The following CGRRF1 variants were observed in gnomAD, a reference collection of about 807,000 sequenced individuals.
The protein encoded by CGRRF1 is cell growth regulator with ring finger domain 1.
Under a neutral mutation model 37.2 loss-of-function variants are expected in CGRRF1, and 32 were observed. The observed-to-expected ratio is 0.86, with a 90% CI of 0.65 to 1.16. CGRRF1 has a LOEUF of 1.16. CGRRF1 is among the 50% of genes most tolerant of loss of function. The pLI is 0.00. For missense variants in CGRRF1, 391 were observed against 382.6 expected (o/e 1.02, Z -0.18); for synonymous variants, 141 against 140.3 (o/e 1.00, Z -0.04).
At chr14:54,524,025 T>C (rs1370439881) in intron 2 of CGRRF1, among the ~76,000 whole-genome samples, 1 of 152,218 alleles carries the variant, frequency 6.6e-6, no homozygotes, top group East Asian at 1.9e-4. Flanking sequence ...ATTTTCCTTC[T>C]CTTAGCCTGC....
chr14:54,513,998 C>T (rs1214554439), intron 1 of CGRRF1, among the ~76,000 whole-genome samples: 2 of 152,114 alleles, frequency 1.3e-5, no homozygotes, highest in Admixed American at 6.5e-5. Context: ...AAACTCCAGT[C>T]ACTCTGAGCC....
intron 1 of CGRRF1, among the ~76,000 whole-genome samples, chr14:54,512,417 A>G (rs1188443752): frequency 1.3e-5 from 2 of 152,238 alleles, no homozygotes; most frequent in Admixed American, 6.5e-5. Flanking sequence ...CTGAGCACAA[A>G]GAAGCCCAAA....
chr14:54,513,933 A>G (rs1016371503), intron 1 of CGRRF1, among the ~76,000 whole-genome samples: 2 of 152,304 alleles, frequency 1.3e-5, no homozygotes, highest in African/African-American at 2.4e-5. Context: ...TAGAACCCTG[A>G]GACTTGGAAT....
At chr14:54,516,099 T>G (rs974066614) in intron 1 of CGRRF1, among the ~76,000 whole-genome samples, 1 of 152,190 alleles carries the variant, frequency 6.6e-6, no homozygotes, top group Non-Finnish European at 1.5e-5. Flanking sequence ...TTTATCTCCT[T>G]TGTTGGTTTA....
At chr14:54,521,488 A>G (rs2032316137) in intron 1 of CGRRF1, among the ~76,000 whole-genome samples, 1 of 151,196 alleles carries the variant, frequency 6.6e-6, no homozygotes. Flanking sequence ...CCGTTGTCCC[A>G]TAAATCATAT....
At chr14:54,516,031 C>G (rs1456621538) in intron 1 of CGRRF1, among the ~76,000 whole-genome samples, 2 of 151,320 alleles carry the variant, frequency 1.3e-5, no homozygotes, top group East Asian at 1.9e-4. Flanking sequence ...TTTTTTGTTT[C>G]TTTTTCCCCT....
At position 54,538,745 on chromosome 14, in the gene CGRRF1, G is replaced by T; in HGVS notation, c.*362G>T. 6.1e-6 allele frequency: 1 copy of T among 165,198 alleles called. No individual in the cohort carries two copies. Among genetic ancestry groups the T allele is most frequent in the Non-Finnish European group, 1.3e-5 (1 of 75,780 alleles). The allele number at this position is 165,198 out of a possible 1,614,324, so 10.2% of individuals were successfully genotyped here. On this transcript the variant is annotated 3_prime_UTR_variant, in exon 6 of 6. Transcript: ENST00000216420. ...GATCACTAAATGTTTTACCTTTGAT[G>T]TAATCGGAGTGCAATTAAGAAAAAA...
chr14:54,524,192 G>A (rs1265624880), intron 2 of CGRRF1, among the ~76,000 whole-genome samples: 1 of 151,994 alleles, frequency 6.6e-6, no homozygotes, highest in Non-Finnish European at 1.5e-5. Context: ...CTGAGTTAAT[G>A]CTCTCTCTCT....
At chr14:54,531,119 A>G (rs2140064840) in intron 4 of CGRRF1, 69 bp downstream of exon 4, 1 of 1,238,536 alleles carries the variant, frequency 8.1e-7, no homozygotes, top group Admixed American at 2.6e-5. Flanking sequence ...ATTATTTGAT[A>G]AATAGAAAAA....
intron 2 of CGRRF1, among the ~76,000 whole-genome samples, chr14:54,526,782 T>C (rs2032418619): frequency 6.6e-6 from 1 of 152,194 alleles, no homozygotes; most frequent in African/African-American, 2.4e-5. Flanking sequence ...GTACATGGCA[T>C]GTTTGGAGGC....
intron 4 of CGRRF1, among the ~76,000 whole-genome samples, chr14:54,534,304 T>C (rs930285936): frequency 3.3e-5 from 5 of 152,068 alleles, no homozygotes; most frequent in African/African-American, 1.2e-4. Context: ...TTTGTATTTT[T>C]AGTAGAGATG....
In CGRRF1 at chr14:54,538,521, G is replaced by A. The variant is rs1594659851; in HGVS notation, c.*138G>A. Reference sequence around the variant, plus strand: ...TTAACTTCATATTTGTATGGTACTTGGATGATAAAAATTAATTATTCCTTT... The same window carrying A: ...TTAACTTCATATTTGTATGGTACTTAGATGATAAAAATTAATTATTCCTTT... On this transcript the variant is annotated 3_prime_UTR_variant, in exon 6 of 6. Coordinates refer to ENST00000216420, the MANE Select transcript of CGRRF1 (RefSeq NM_006568.3). 1 of 568,560 alleles carries A rather than the reference G, an allele frequency of 1.8e-6. No homozygotes were observed. The highest frequency in any genetic ancestry group is 2.9e-6 in the Non-Finnish European group (1 of 339,564). The allele number at this position is 568,560 out of a possible 1,614,324, so 35.2% of individuals were successfully genotyped here.
chr14:54,524,385 GTTT>G (rs530976044), intron 2 of CGRRF1, among the ~76,000 whole-genome samples: 2 of 131,658 alleles, frequency 1.5e-5, no homozygotes, highest in Non-Finnish European at 1.6e-5. Flanking sequence ...AAAAATATAT[GTTT>G]TTTTTTTTTT....
At position 54,537,899 on chromosome 14, in the gene CGRRF1, GA is replaced by G. The variant is rs2032624926; in HGVS notation, c.678+73del. ...GAGTTTCAAAGAATGGCCATTTATG[GA>G]AAGGTGATTATATTTTTCAGTTAAT... On this transcript the variant is annotated intron_variant, in intron 5 of 5. Coordinates refer to ENST00000216420, the MANE Select transcript of CGRRF1 (RefSeq NM_006568.3). The G allele has an allele frequency of 3.2e-6, 5 of 1,539,736 alleles. No homozygotes were observed. The African/African-American group carries it at 4.2e-5, about 13-fold the overall frequency.
At chr14:54,511,198 T>G (rs1019729626) in intron 1 of CGRRF1, among the ~76,000 whole-genome samples, 2 of 152,192 alleles carry the variant, frequency 1.3e-5, no homozygotes, top group Non-Finnish European at 2.9e-5. Flanking sequence ...TGAAAATATA[T>G]GCCATCTTTA....
chr14:54,513,536 C>T (rs1002648005), intron 1 of CGRRF1, among the ~76,000 whole-genome samples: 4 of 151,646 alleles, frequency 2.6e-5, no homozygotes, highest in African/African-American at 7.3e-5. Flanking sequence ...TGTGTAGCCA[C>T]GGAAAGACTT....
chr14:54,526,625 T>A (rs2032416225), intron 2 of CGRRF1, among the ~76,000 whole-genome samples: 1 of 152,178 alleles, frequency 6.6e-6, no homozygotes, highest in Non-Finnish European at 1.5e-5. Flanking sequence ...TTAATGAAAT[T>A]GAAAGTTAGA....
chr14:54,516,020 G>T (rs572906666), intron 1 of CGRRF1, among the ~76,000 whole-genome samples: 1 of 151,858 alleles, frequency 6.6e-6, no homozygotes, highest in African/African-American at 2.4e-5. Flanking sequence ...TTACTAGTCT[G>T]TTTTTTGTTT....
chr14:54,534,822 C>T (rs1314204399), intron 4 of CGRRF1, among the ~76,000 whole-genome samples: 1 of 152,130 alleles, frequency 6.6e-6, no homozygotes, highest in Admixed American at 6.6e-5. Flanking sequence ...TCAAGTGATC[C>T]TTCTGCCTCA....
Sources: gnomAD v4.1 joint callset for allele counts (sites outside exome capture counted in the v4.1 genomes callset) on GRCh38, gnomAD v4.1.1 for gene constraint, MANE v1.5 for transcripts, NCBI Gene and HGNC (gene_info 2026-07-23, HGNC 2026-07-21) for gene names.